FHOD3: variants seen among roughly 807,000 people sequenced by gnomAD.
FHOD3 encodes the protein FH1/FH2 domain-containing protein 3.
In FHOD3, 90 loss-of-function variants were observed where a neutral mutation model predicts 173.0. The ratio of observed to expected loss-of-function variants is 0.52; its 90% confidence interval spans 0.44 to 0.62. FHOD3 has a LOEUF of 0.62. Ranked by LOEUF, FHOD3 falls within the 20% of genes least tolerant of loss-of-function variation. The pLI is 0.00. For synonymous variants in FHOD3, 828 were observed against 823.0 expected (o/e 1.01, Z -0.10); for missense variants, 1,945 against 2,034.7 (o/e 0.96, Z 0.85).
At chr18:36,739,981 T>C (rs554548772) in intron 20 of FHOD3, among the ~76,000 whole-genome samples, 1 of 152,298 alleles carries the variant, frequency 6.6e-6, no homozygotes, top group South Asian at 2.1e-4. Context: ...TGGTGTTCAA[T>C]AGGAATAGTA....
At chr18:36,419,675 G>C (rs1312238630) in intron 3 of FHOD3, among the ~76,000 whole-genome samples, 1 of 152,222 alleles carries the variant, frequency 6.6e-6, no homozygotes, top group Non-Finnish European at 1.5e-5. Flanking sequence ...AAGTGCCTAA[G>C]TAGTGGGTGA....
At chr18:36,750,064 T>C (rs1277660505) in intron 24 of FHOD3, among the ~76,000 whole-genome samples, 11 of 151,872 alleles carry the variant, frequency 7.2e-5, no homozygotes, top group Non-Finnish European at 8.8e-5. Context: ...CCAAGGTGGG[T>C]GGATCACGAG....
intron 3 of FHOD3, among the ~76,000 whole-genome samples, chr18:36,448,223 C>T (rs1214295342): frequency 6.6e-6 from 1 of 152,146 alleles, no homozygotes; most frequent in Non-Finnish European, 1.5e-5. Context: ...TAGGAAGACT[C>T]TCCCTGAAAT....
At chr18:36,346,767 C>T (rs914649869) in intron 1 of FHOD3, among the ~76,000 whole-genome samples, 1 of 152,236 alleles carries the variant, frequency 6.6e-6, no homozygotes, top group Non-Finnish European at 1.5e-5. Flanking sequence ...CTGCTCACAG[C>T]CATTCCATTT....
chr18:36,576,816 C>T (rs867509039), intron 6 of FHOD3, among the ~76,000 whole-genome samples: 1 of 152,104 alleles, frequency 6.6e-6, no homozygotes, highest in Admixed American at 6.6e-5. Context: ...AATGTTATAC[C>T]ATAGGGCCGG....
At chr18:36,753,945 C>T (rs2042518197) in intron 24 of FHOD3, among the ~76,000 whole-genome samples, 1 of 152,160 alleles carries the variant, frequency 6.6e-6, no homozygotes, top group Non-Finnish European at 1.5e-5. Flanking sequence ...ACACAAGTCC[C>T]TTATTAGACA....
Position 36,604,752 on chromosome 18 carries a change from T to A in FHOD3, c.813+1984T>A, listed in dbSNP as rs563509357. Among the ~76,000 whole-genome samples, 95 of 152,294 alleles carry A rather than the reference T, an allele frequency of 6.2e-4. 1 individual carries two copies. Among genetic ancestry groups the A allele is most frequent in the African/African-American group, 2.1e-3 (88 of 41,566 alleles). On this transcript the variant is annotated intron_variant, in intron 8 of 28. Coordinates refer to ENST00000590592, the MANE Select transcript of FHOD3 (RefSeq NM_001281740.3). The stretch of plus-strand genomic sequence containing the variant: ...GTGAAACAGGTTCCAGAGGAAGAGA[T>A]TTAACTATTTTACTGCATAAAATTT...
chr18:36,329,023 G>C (rs752278798), intron 1 of FHOD3, among the ~76,000 whole-genome samples: 13 of 152,298 alleles, frequency 8.5e-5, no homozygotes, highest in Non-Finnish European at 1.9e-4. Context: ...AGGCTGGCGG[G>C]TGTTGCCCAT....
rs547451808 is a variant in FHOD3 at position 36,714,414 on chromosome 18, T to A, written c.2534-3418T>A. Among the ~76,000 whole-genome samples the A allele has an allele frequency of 3.3e-5, 5 of 152,272 alleles. No homozygotes were observed. In the South Asian group the frequency reaches 1.0e-3, roughly 32 times the overall value. On this transcript the variant is annotated intron_variant, in intron 18 of 28. Transcript: ENST00000590592. ...TTAGCTGGGCATGGTGGCTCGCGCC[T>A]GTAGTCACAGCTACTCAGGAGGCTG...
At chr18:36,459,922 C>A (rs1483446289) in intron 3 of FHOD3, among the ~76,000 whole-genome samples, 1 of 152,170 alleles carries the variant, frequency 6.6e-6, no homozygotes, top group African/African-American at 2.4e-5. Context: ...AGTTGTCACG[C>A]CTCCTTAGGC....
chr18:36,360,428 T>C (rs2046553118), intron 2 of FHOD3, among the ~76,000 whole-genome samples: 1 of 152,258 alleles, frequency 6.6e-6, no homozygotes, highest in Non-Finnish European at 1.5e-5. Flanking sequence ...TGTGTCATGC[T>C]GTTCACTTTC....
intron 27 of FHOD3, 61 bp downstream of exon 27, chr18:36,760,843 C>T (rs1246911898): frequency 2.0e-6 from 3 of 1,490,346 alleles, no homozygotes; most frequent in East Asian, 2.5e-5. Context: ...TGGGGGGGTC[C>T]GGTCTCCATC....
intron 17 of FHOD3, among the ~76,000 whole-genome samples, chr18:36,704,619 A>G (rs1030258443): frequency 2.0e-5 from 3 of 152,154 alleles, no homozygotes; most frequent in Non-Finnish European, 4.4e-5. Context: ...TAGAGGCATT[A>G]CATGCTGGGG....
intron 17 of FHOD3, among the ~76,000 whole-genome samples, chr18:36,705,131 C>T (rs937390878): frequency 6.6e-6 from 1 of 152,166 alleles, no homozygotes; most frequent in African/African-American, 2.4e-5. Flanking sequence ...CAGGGCTCAC[C>T]TCAGACAAAA....
rs529283478 is a variant in FHOD3 at position 36,300,523 on chromosome 18, T to C, written c.165+2523T>C. 9.9e-5 allele frequency among the ~76,000 whole-genome samples: 15 copies of C among 152,260 alleles called. No individual in the cohort carries two copies. In the South Asian group the frequency reaches 1.2e-3, roughly 13 times the overall value. On this transcript the variant is annotated intron_variant, in intron 1 of 28. Coordinates refer to ENST00000590592, the MANE Select transcript of FHOD3 (RefSeq NM_001281740.3). Reference sequence around the variant, plus strand: ...GTCTGTTGACCTGGGTGAGCTATCATACCAGGACCCTGCCACCAGTGAGGC... The same window carrying C: ...GTCTGTTGACCTGGGTGAGCTATCACACCAGGACCCTGCCACCAGTGAGGC...
At chr18:36,321,300 A>G (rs1324981302) in intron 1 of FHOD3, among the ~76,000 whole-genome samples, 1 of 152,104 alleles carries the variant, frequency 6.6e-6, no homozygotes, top group African/African-American at 2.4e-5. Context: ...TGCTGAGCCC[A>G]GTGCTCCCAT....
chr18:36,769,518 A>G, intron 28 of FHOD3, 92 bp downstream of exon 28: 1 of 1,468,482 alleles, frequency 6.8e-7, no homozygotes, highest in Non-Finnish European at 9.1e-7. Flanking sequence ...ACACAGCTCC[A>G]GTGAATTGTC....
At chr18:36,330,027 T>C (rs1393194770) in intron 1 of FHOD3, among the ~76,000 whole-genome samples, 1 of 152,200 alleles carries the variant, frequency 6.6e-6, no homozygotes, top group Non-Finnish European at 1.5e-5. Flanking sequence ...TGTTGGCCAT[T>C]GTGAACTGAC....
At chr18:36,462,288 CGTGT>C (rs148480762) in intron 3 of FHOD3, among the ~76,000 whole-genome samples, 5 of 149,736 alleles carry the variant, frequency 3.3e-5, no homozygotes, top group Middle Eastern at 3.4e-3. Flanking sequence ...TCAGTTCTCT[CGTGT>C]GTGTGTGTGT....
Sources: gnomAD v4.1 joint callset for allele counts (sites outside exome capture counted in the v4.1 genomes callset) on GRCh38, gnomAD v4.1.1 for gene constraint, MANE v1.5 for transcripts, NCBI Gene and HGNC (gene_info 2026-07-23, HGNC 2026-07-21) for gene names.